Variants in ELOVL6 observed in about 807,000 individuals in gnomAD.
The protein encoded by ELOVL6 is very long chain fatty acid elongase 6.
A neutral mutation model predicts 31.7 loss-of-function variants in ELOVL6; 8 were observed. That is an observed-to-expected ratio of 0.25 (90% CI 0.15 to 0.45). ELOVL6 has a LOEUF of 0.45. Among genes scored for constraint, ELOVL6 ranks in the 20% least tolerant of loss-of-function variants. The probability of loss-of-function intolerance (pLI) is 1.00; values close to 1 mark genes in which losing one functional copy is unlikely to be tolerated. For synonymous variants in ELOVL6, 101 were observed against 117.7 expected (o/e 0.86, Z 0.92); for missense variants, 126 against 326.4 (o/e 0.39, Z 4.73).
chr4:110,134,597 T>C (rs888160076), intron 1 of ELOVL6, among the ~76,000 whole-genome samples: 1 of 151,936 alleles, frequency 6.6e-6, no homozygotes, highest in Admixed American at 6.6e-5. Context: ...AGGAACAACA[T>C]GAAATAAAGG....
At chr4:110,198,074 ACCCCC>A in intron 1 of ELOVL6, 168 bp downstream of exon 1, 42 of 430,898 alleles carry the variant, frequency 9.7e-5, no homozygotes, top group Middle Eastern at 7.5e-4. Context: ...CGCTTCATGT[ACCCCC>A]CCCCCCCCAG....
chr4:110,161,323 GA>G (rs1229407958), intron 1 of ELOVL6, among the ~76,000 whole-genome samples: 1 of 152,030 alleles, frequency 6.6e-6, no homozygotes, highest in African/African-American at 2.4e-5. Context: ...GTTCTTAAAG[GA>G]AAAAAATATA....
chr4:110,162,977 G>C (rs1758673474), intron 1 of ELOVL6, among the ~76,000 whole-genome samples: 1 of 152,188 alleles, frequency 6.6e-6, no homozygotes, highest in Non-Finnish European at 1.5e-5. Context: ...TAAATGGTCT[G>C]TGTCCAAGAC....
intron 2 of ELOVL6, among the ~76,000 whole-genome samples, chr4:110,085,587 A>C (rs574721019): frequency 1.5e-4 from 23 of 152,336 alleles, no homozygotes; most frequent in African/African-American, 5.5e-4. Flanking sequence ...TTACTGTAAG[A>C]GTCCCTGGAC....
intron 1 of ELOVL6, among the ~76,000 whole-genome samples, chr4:110,158,659 T>TATATATATA (rs1560849884): frequency 7.4e-4 from 33 of 44,688 alleles, no homozygotes; most frequent in Admixed American, 2.8e-3. Flanking sequence ...ATATATATAT[T>TATATATATA]TTTTTTTTTT....
At chr4:110,196,949 G>A (rs1052394160) in intron 1 of ELOVL6, among the ~76,000 whole-genome samples, 1 of 152,212 alleles carries the variant, frequency 6.6e-6, no homozygotes, top group Non-Finnish European at 1.5e-5. Flanking sequence ...GGGGCTGGAG[G>A]ACAGGAAGTT....
chr4:110,081,015 C>T (rs1366274125), intron 2 of ELOVL6, among the ~76,000 whole-genome samples: 1 of 151,956 alleles, frequency 6.6e-6, no homozygotes, highest in African/African-American at 2.4e-5. Flanking sequence ...GGATAAAATA[C>T]CTAGGAATCC....
At chr4:110,132,874 G>A (rs953477030) in intron 1 of ELOVL6, among the ~76,000 whole-genome samples, 1 of 151,838 alleles carries the variant, frequency 6.6e-6, no homozygotes, top group Admixed American at 6.6e-5. Flanking sequence ...GTGTTTACTA[G>A]TAGAGATAGT....
intron 2 of ELOVL6, among the ~76,000 whole-genome samples, chr4:110,075,284 A>G (rs935605244): frequency 2.6e-5 from 4 of 152,364 alleles, no homozygotes; most frequent in Admixed American, 2.6e-4. Flanking sequence ...CAAAAGAATT[A>G]GAAAAAGGAT....
At position 110,147,050 on chromosome 4, in the gene ELOVL6, A is replaced by T. The variant is rs533433043; in HGVS notation, c.90-41422T>A. On this transcript the variant is annotated intron_variant, in intron 1 of 3. Coordinates refer to ENST00000302274, the MANE Select transcript of ELOVL6 (RefSeq NM_024090.3). The stretch of plus-strand genomic sequence containing the variant: ...GGATTTGGGTGTAGATTCTCTGGTC[A>T]TTAAACATATCCAGGTGAACAAAGC... 22 of 152,388 alleles carry T rather than the reference A, an allele frequency of 1.4e-4. 1 individual carries two copies. The highest frequency in any genetic ancestry group is 5.4e-4 in the African/African-American group (22 of 41,048). The allele number at this position is 152,388 out of a possible 1,614,324, so 9.4% of individuals were successfully genotyped here.
rs533442121 is a variant in ELOVL6 at position 110,070,625 on chromosome 4, T to A, written c.222-10871A>T. 2.0e-5 allele frequency among the ~76,000 whole-genome samples: 3 copies of A among 152,296 alleles called. No individual in the cohort carries two copies. The East Asian group carries it at 5.8e-4, about 29-fold the overall frequency. ...CACGTTGAACTGTAATCCCCAGTGT[T>A]GGAGGAGGGGCCTGCTGGGAGGTGA... On this transcript the variant is annotated intron_variant, in intron 2 of 3. Coordinates refer to ENST00000302274, the MANE Select transcript of ELOVL6 (RefSeq NM_024090.3).
chr4:110,111,272 G>T (rs1473182879), intron 1 of ELOVL6, among the ~76,000 whole-genome samples: 1 of 151,432 alleles, frequency 6.6e-6, no homozygotes. Context: ...CTCTCAAAAT[G>T]TTAAAACGAA....
intron 1 of ELOVL6, among the ~76,000 whole-genome samples, chr4:110,127,666 T>A (rs1296963051): frequency 6.6e-6 from 1 of 152,280 alleles, no homozygotes; most frequent in East Asian, 1.9e-4. Flanking sequence ...ATAAAACTTT[T>A]CAAAGCCTTT....
chr4:110,170,300 T>C (rs1259593219), intron 1 of ELOVL6, among the ~76,000 whole-genome samples: 1 of 152,224 alleles, frequency 6.6e-6, no homozygotes, highest in Non-Finnish European at 1.5e-5. Flanking sequence ...ATTTGAATTA[T>C]GCAAAAAACA....
chr4:110,090,158 T>C (rs914031494), intron 2 of ELOVL6, among the ~76,000 whole-genome samples: 7 of 152,214 alleles, frequency 4.6e-5, no homozygotes, highest in African/African-American at 1.7e-4. Context: ...TTGTTAGTGT[T>C]AGCATTATAC....
At chr4:110,139,544 C>G (rs780947379) in intron 1 of ELOVL6, among the ~76,000 whole-genome samples, 7 of 152,130 alleles carry the variant, frequency 4.6e-5, no homozygotes, top group East Asian at 1.9e-4. Flanking sequence ...GACTTTTTCT[C>G]TAATATATAT....
chr4:110,057,797 G>A (rs571493349), intron 3 of ELOVL6, among the ~76,000 whole-genome samples: 1 of 149,078 alleles, frequency 6.7e-6, no homozygotes, highest in East Asian at 2.0e-4. Flanking sequence ...GTTGCAGTGA[G>A]CCGAGATCGC....
chr4:110,171,896 C>T (rs1209042196), intron 1 of ELOVL6, among the ~76,000 whole-genome samples: 1 of 151,844 alleles, frequency 6.6e-6, no homozygotes, highest in East Asian at 1.9e-4. Flanking sequence ...CACTATATTG[C>T]CCAGGCTGGT....
rs1754733894 is a variant in ELOVL6, at chr4:110,047,841, G to A, written c.*3497C>T. 7.5e-6 allele frequency: 1 copy of A among 133,294 alleles called. No homozygotes were observed. Among genetic ancestry groups the A allele is most frequent in the Non-Finnish European group, 1.5e-5 (1 of 65,498 alleles). The allele number at this position is 133,294 out of a possible 1,614,324, so 8.3% of individuals were successfully genotyped here. A position where few individuals can be genotyped will look rare whatever the true frequency, so the allele number is the denominator to read the frequency against. On this transcript the variant is annotated 3_prime_UTR_variant, in exon 4 of 4. Coordinates refer to ENST00000302274, the MANE Select transcript of ELOVL6 (RefSeq NM_024090.3). ...GGAGGCGGAGGTTGCAGTGAGTCTA[G>A]ATCGCGCCACTGCACTCCAGCCTGG... is the stretch of plus-strand genomic sequence containing the variant.
Sources: gnomAD v4.1 joint callset for allele counts (sites outside exome capture counted in the v4.1 genomes callset) on GRCh38, gnomAD v4.1.1 for gene constraint, MANE v1.5 for transcripts, NCBI Gene and HGNC (gene_info 2026-07-23, HGNC 2026-07-21) for gene names.